The following RAB38 variants were observed in gnomAD, a reference collection of about 807,000 sequenced individuals.
The protein encoded by RAB38 is RAB38, member RAS oncogene family.
In RAB38, 15 loss-of-function variants were observed where a neutral mutation model predicts 18.4. The ratio of observed to expected loss-of-function variants is 0.82; its 90% confidence interval spans 0.55 to 1.26. The LOEUF (loss-of-function observed/expected upper bound fraction) is 1.26, where lower values mean the gene tolerates loss of function less well. Ranked by LOEUF, RAB38 falls within the 50% of genes most tolerant of loss-of-function variation. The pLI is 0.00. For missense variants in RAB38, 294 were observed against 267.4 expected (o/e 1.10, Z -0.69); for synonymous variants, 101 against 104.4 (o/e 0.97, Z 0.20).
At chr11:87,811,537 G>T in the RAB38 span, among the ~76,000 whole-genome samples, 1 of 151,966 alleles carries the variant, frequency 6.6e-6, no homozygotes, top group Non-Finnish European at 1.5e-5. Flanking sequence ...TACCTCTTTT[G>T]CTTGCAGGGC....
At chr11:87,810,565 A>G in the RAB38 span, among the ~76,000 whole-genome samples, 1 of 152,218 alleles carries the variant, frequency 6.6e-6, no homozygotes, top group African/African-American at 2.4e-5. Flanking sequence ...AATATGTACC[A>G]TATATTTTAA....
At chr11:87,880,549 C>T in the RAB38 span, among the ~76,000 whole-genome samples, 1 of 151,718 alleles carries the variant, frequency 6.6e-6, no homozygotes, top group East Asian at 2.0e-4. Context: ...CACATTCAGC[C>T]TAGAATACAC....
At chr11:87,841,280 T>C in the RAB38 span, among the ~76,000 whole-genome samples, 1 of 152,104 alleles carries the variant, frequency 6.6e-6, no homozygotes, top group Non-Finnish European at 1.5e-5. Flanking sequence ...CACATGCTGT[T>C]CTTATGATAG....
At chr11:88,160,600 A>C (rs1943178511) in intron 1 of RAB38, among the ~76,000 whole-genome samples, 2 of 152,158 alleles carry the variant, frequency 1.3e-5, no homozygotes, top group Non-Finnish European at 2.9e-5. Flanking sequence ...TCAATGGTGC[A>C]CTTGTTAAAG....
chr11:88,137,096 G>A (rs1302248460), intron 2 of RAB38, among the ~76,000 whole-genome samples: 1 of 152,214 alleles, frequency 6.6e-6, no homozygotes, highest in African/African-American at 2.4e-5. Flanking sequence ...GGAAAGAAGA[G>A]TTTTTCTATA....
the RAB38 span, among the ~76,000 whole-genome samples, chr11:87,893,380 A>ATG: frequency 5.9e-5 from 2 of 33,666 alleles, no homozygotes; most frequent in Non-Finnish European, 1.0e-4. Context: ...ACATATATAT[A>ATG]TATATATATA....
At chr11:88,031,118 A>C in the RAB38 span, among the ~76,000 whole-genome samples, 1 of 151,914 alleles carries the variant, frequency 6.6e-6, no homozygotes, top group Non-Finnish European at 1.5e-5. Context: ...ACAGAACCAA[A>C]GACAAAAACC....
At chr11:87,974,972 GTGTTGGCAGGGTTGCTTCCT>G in the RAB38 span, among the ~76,000 whole-genome samples, 1 of 151,962 alleles carries the variant, frequency 6.6e-6, no homozygotes, top group African/African-American at 2.4e-5. Flanking sequence ...TCAAACCAAG[GTGTTGGCAGGGTTGCTTCCT>G]TTTGGAGGGA....
the RAB38 span, among the ~76,000 whole-genome samples, chr11:87,909,945 T>C: frequency 6.6e-6 from 1 of 152,098 alleles, no homozygotes. Context: ...AGCTAATTTA[T>C]ACGGTAGGTA....
At chr11:88,035,672 G>A in the RAB38 span, among the ~76,000 whole-genome samples, 2 of 152,174 alleles carry the variant, frequency 1.3e-5, no homozygotes, top group Admixed American at 6.5e-5. Context: ...TTTTCTTTCT[G>A]CAATTTTCTT....
the RAB38 span, among the ~76,000 whole-genome samples, chr11:88,032,360 CA>C: frequency 6.6e-6 from 1 of 152,044 alleles, no homozygotes; most frequent in East Asian, 1.9e-4. Flanking sequence ...CAATGGCAAC[CA>C]AAGCCAAAAT....
the RAB38 span, among the ~76,000 whole-genome samples, chr11:87,870,347 C>T: frequency 6.6e-6 from 1 of 151,636 alleles, no homozygotes; most frequent in African/African-American, 2.4e-5. Flanking sequence ...GAAAATGGCT[C>T]AGAATCACTG....
chr11:87,820,278 A>ATT, the RAB38 span, among the ~76,000 whole-genome samples: 1 of 152,194 alleles, frequency 6.6e-6, no homozygotes, highest in Non-Finnish European at 1.5e-5. Context: ...AACCAAGTAG[A>ATT]TTTCTCTGGC....
intron 2 of RAB38, among the ~76,000 whole-genome samples, chr11:88,135,443 G>A (rs1379356538): frequency 1.3e-5 from 2 of 152,160 alleles, no homozygotes; most frequent in Admixed American, 1.3e-4. Context: ...AGATAAAACC[G>A]TAAAATAAAG....
At chr11:88,171,835 G>A (rs904939191) in intron 1 of RAB38, among the ~76,000 whole-genome samples, 1 of 152,138 alleles carries the variant, frequency 6.6e-6, no homozygotes, top group Non-Finnish European at 1.5e-5. Flanking sequence ...TCTCAAGTGT[G>A]AACTTTTTGT....
At chr11:87,868,468 A>G in the RAB38 span, among the ~76,000 whole-genome samples, 1 of 151,466 alleles carries the variant, frequency 6.6e-6, no homozygotes, top group African/African-American at 2.4e-5. Flanking sequence ...AGCTTCAAGT[A>G]TTCTTTTACA....
the RAB38 span, among the ~76,000 whole-genome samples, chr11:87,883,595 G>A: frequency 6.6e-6 from 1 of 151,904 alleles, no homozygotes; most frequent in South Asian, 2.1e-4. Context: ...AGGGAACTTT[G>A]CAGAAGTGAT....
chr11:88,004,577 G>A, the RAB38 span, among the ~76,000 whole-genome samples: 1 of 151,202 alleles, frequency 6.6e-6, no homozygotes, highest in Non-Finnish European at 1.5e-5. Flanking sequence ...AGCAGGGCAA[G>A]CATTGTCGGT....
chr11:87,928,944 A>G, the RAB38 span, among the ~76,000 whole-genome samples: 3 of 151,996 alleles, frequency 2.0e-5, no homozygotes, highest in Non-Finnish European at 4.4e-5. Context: ...GTGAAACCCT[A>G]TCTCTACTAA....
Sources: gnomAD v4.1 joint callset for allele counts (sites outside exome capture counted in the v4.1 genomes callset) on GRCh38, gnomAD v4.1.1 for gene constraint, MANE v1.5 for transcripts, NCBI Gene and HGNC (gene_info 2026-07-23, HGNC 2026-07-21) for gene names.